The following FAM227B variants were observed in gnomAD, a reference collection of about 807,000 sequenced individuals.
The protein encoded by FAM227B is protein FAM227B.
In FAM227B, 88 loss-of-function variants were observed where a neutral mutation model predicts 73.8. That is an observed-to-expected ratio of 1.19 (90% CI 1.00 to 1.42). The LOEUF is 1.42. FAM227B is among the 40% of genes most tolerant of loss of function. The pLI is 0.00. For missense variants in FAM227B, 632 were observed against 590.9 expected (o/e 1.07, Z -0.72); for synonymous variants, 210 against 190.5 (o/e 1.10, Z -0.84).
intron 11 of FAM227B, among the ~76,000 whole-genome samples, chr15:49,402,247 C>T (rs1441699985): frequency 6.6e-6 from 1 of 152,072 alleles, no homozygotes; most frequent in Non-Finnish European, 1.5e-5. Flanking sequence ...TATGGCTCTT[C>T]TTTGTTTTTG....
chr15:49,517,320 C>A (rs1273629572), intron 10 of FAM227B, among the ~76,000 whole-genome samples: 1 of 151,916 alleles, frequency 6.6e-6, no homozygotes, highest in Non-Finnish European at 1.5e-5. Context: ...TTACTTCATC[C>A]TGAAGAAGAA....
chr15:49,581,813 C>T (rs2075829916), intron 5 of FAM227B, among the ~76,000 whole-genome samples: 1 of 152,114 alleles, frequency 6.6e-6, no homozygotes, highest in African/African-American at 2.4e-5. Flanking sequence ...TACTAGCCAC[C>T]AGAGAAACAT....
intron 14 of FAM227B, chr15:49,334,397 C>G (rs1304833230): frequency 5.1e-6 from 1 of 195,400 alleles, no homozygotes; most frequent in Non-Finnish European, 9.3e-6. Flanking sequence ...AGTAAAAGCC[C>G]TCTACAAACC....
chr15:49,460,811 G>A (rs1317455668), intron 11 of FAM227B, among the ~76,000 whole-genome samples: 1 of 152,160 alleles, frequency 6.6e-6, no homozygotes, highest in East Asian at 1.9e-4. Flanking sequence ...AGAGGGCAAA[G>A]CTTTGTGTGT....
chr15:49,367,708 G>T, intron 12 of FAM227B, 100 bp from the exon 13 acceptor site: 1 of 1,128,040 alleles, frequency 8.9e-7, no homozygotes, highest in Non-Finnish European at 1.2e-6. Flanking sequence ...GTTACCATTT[G>T]ATATATTAAA....
chr15:49,607,681 C>G (rs1298880282), intron 3 of FAM227B, among the ~76,000 whole-genome samples: 1 of 152,110 alleles, frequency 6.6e-6, no homozygotes, highest in Non-Finnish European at 1.5e-5. Flanking sequence ...TCCAAAAATT[C>G]CATAAGGCTG....
rs556685045 is a variant in FAM227B, at chr15:49,362,136, T to C, written c.1271+5312A>G. 2.0e-5 allele frequency among the ~76,000 whole-genome samples: 3 copies of C among 152,152 alleles called. No homozygotes were observed. The East Asian group carries it at 5.8e-4, about 29-fold the overall frequency. On this transcript the variant is annotated intron_variant, in intron 13 of 15. Coordinates refer to ENST00000299338, the MANE Select transcript of FAM227B (RefSeq NM_152647.3). ...GATTTAAGTTCCTTATTAACATAGT[T>C]TGGCTCTGTGTCCCCACCCAAATCT...
At chr15:49,558,125 T>G (rs1598218446) in intron 9 of FAM227B, among the ~76,000 whole-genome samples, 1 of 70,200 alleles carries the variant, frequency 1.4e-5, no homozygotes, top group East Asian at 5.0e-4. Context: ...TAATGCCTAA[T>G]GCCCCAACTT....
intron 11 of FAM227B, among the ~76,000 whole-genome samples, chr15:49,455,826 T>C (rs898473911): frequency 6.6e-6 from 1 of 152,166 alleles, no homozygotes; most frequent in African/African-American, 2.4e-5. Context: ...CTTATCACTA[T>C]TGGGTATTAT....
intron 11 of FAM227B, chr15:49,486,608 T>C (rs1010315811): frequency 6.6e-6 from 1 of 151,966 alleles, no homozygotes; most frequent in Non-Finnish European, 1.5e-5. Context: ...ATAGAAATAG[T>C]GTATATACAT....
intron 11 of FAM227B, among the ~76,000 whole-genome samples, chr15:49,449,898 T>C (rs748379549): frequency 2.2e-4 from 33 of 152,082 alleles, no homozygotes; most frequent in Non-Finnish European, 4.6e-4. Flanking sequence ...TTAAAATTTC[T>C]GAGTTGGAAA....
intron 10 of FAM227B, among the ~76,000 whole-genome samples, chr15:49,536,083 AAAAAAAAG>A (rs2070212265): frequency 6.6e-6 from 1 of 150,764 alleles, no homozygotes; most frequent in African/African-American, 2.4e-5. Context: ...AAAAAAAAAA[AAAAAAAAG>A]AAAAAAGAAA....
intron 11 of FAM227B, chr15:49,396,172 T>G (rs1235084033): frequency 5.7e-6 from 2 of 351,758 alleles, no homozygotes; most frequent in Admixed American, 7.6e-5. Flanking sequence ...GGCGAGGCAT[T>G]GCCTCACTTG....
chr15:49,365,735 G>T, intron 13 of FAM227B: 1 of 884,558 alleles, frequency 1.1e-6, no homozygotes, highest in Non-Finnish European at 1.9e-6. Context: ...AAGATATCTT[G>T]TAAAATCCAA....
intron 13 of FAM227B, among the ~76,000 whole-genome samples, chr15:49,347,826 C>T (rs2041723069): frequency 6.6e-6 from 1 of 151,944 alleles, no homozygotes; most frequent in South Asian, 2.1e-4. Context: ...CAAGACCAGC[C>T]TGGCCAACAT....
chr15:49,609,012 A>G (rs1251935408), intron 3 of FAM227B, among the ~76,000 whole-genome samples: 1 of 151,978 alleles, frequency 6.6e-6, no homozygotes, highest in Non-Finnish European at 1.5e-5. Context: ...AGATTCCTTA[A>G]GAGTAGAATC....
At chr15:49,341,029 C>T (rs1370140283) in intron 13 of FAM227B, among the ~76,000 whole-genome samples, 1 of 152,126 alleles carries the variant, frequency 6.6e-6, no homozygotes, top group Admixed American at 6.6e-5. Flanking sequence ...AAGTCCTTTC[C>T]CCATTGCTTG....
At chr15:49,332,652 CTATT>C (rs2039008426) in intron 14 of FAM227B, among the ~76,000 whole-genome samples, 1 of 152,154 alleles carries the variant, frequency 6.6e-6, no homozygotes, top group Non-Finnish European at 1.5e-5. Context: ...ATATATAAGA[CTATT>C]AATTTCACTG....
chr15:49,546,588 G>T (rs2071927743), intron 9 of FAM227B, among the ~76,000 whole-genome samples: 1 of 152,132 alleles, frequency 6.6e-6, no homozygotes, highest in African/African-American at 2.4e-5. Flanking sequence ...GTGTAAAAGT[G>T]TTCCTATTTC....
Sources: allele counts gnomAD v4.1 joint callset (sites outside exome capture counted in the v4.1 genomes callset), GRCh38; gene constraint gnomAD v4.1.1; transcripts MANE v1.5; gene names NCBI Gene and HGNC (gene_info 2026-07-23, HGNC 2026-07-21).